PPFIA2: variants seen among roughly 807,000 people sequenced by gnomAD.
The protein encoded by PPFIA2 is PPFI scaffold protein A2, also known as liprin-alpha-2.
Under a neutral mutation model 175.5 loss-of-function variants are expected in PPFIA2, and 46 were observed. The ratio of observed to expected loss-of-function variants is 0.26; its 90% CI spans 0.21 to 0.34. The LOEUF is 0.34. PPFIA2 is among the 10% of genes least tolerant of loss of function. PPFIA2 has a pLI of 1.00. For missense variants in PPFIA2, 1,179 were observed against 1,506.1 expected, an observed-to-expected ratio of 0.78 and a Z score of 3.60; for synonymous variants, 568 against 511.4, an observed-to-expected ratio of 1.11 and a Z score of -1.49.
At chr12:81,263,663 A>G (rs1035191155) in intron 30 of PPFIA2, among the ~76,000 whole-genome samples, 32 of 152,342 alleles carry the variant, frequency 2.1e-4, no homozygotes, top group African/African-American at 7.7e-4. Context: ...GCCTAAAATA[A>G]GCAACCAATG....
intron 3 of PPFIA2, among the ~76,000 whole-genome samples, chr12:81,684,166 A>G (rs2074098869): frequency 1.3e-5 from 2 of 152,100 alleles, no homozygotes; most frequent in Non-Finnish European, 2.9e-5. Context: ...TTCAGGTCTT[A>G]GCATACCAAA....
intron 8 of PPFIA2, among the ~76,000 whole-genome samples, chr12:81,389,139 A>G (rs1025551101): frequency 2.0e-5 from 3 of 148,274 alleles, no homozygotes; most frequent in Admixed American, 6.8e-5. Flanking sequence ...ATATATATAT[A>G]TATATACACA....
At chr12:81,538,264 T>A (rs2065691488) in intron 4 of PPFIA2, among the ~76,000 whole-genome samples, 1 of 151,926 alleles carries the variant, frequency 6.6e-6, no homozygotes, top group African/African-American at 2.4e-5. Flanking sequence ...AGAACAAATG[T>A]TGATATTATC....
At chr12:81,712,312 T>G (rs1278040707) in intron 3 of PPFIA2, among the ~76,000 whole-genome samples, 1 of 151,418 alleles carries the variant, frequency 6.6e-6, no homozygotes, top group African/African-American at 2.4e-5. Flanking sequence ...TTTATATAAA[T>G]ATGCCATTAT....
At chr12:81,424,750 T>C (rs2046851892) in intron 7 of PPFIA2, 1 of 152,200 alleles carries the variant, frequency 6.6e-6, no homozygotes, top group Non-Finnish European at 1.5e-5. Flanking sequence ...AAAAGTTTTC[T>C]TTATATGTTT....
At chr12:81,670,714 A>G (rs1055151695) in intron 4 of PPFIA2, among the ~76,000 whole-genome samples, 1 of 151,878 alleles carries the variant, frequency 6.6e-6, no homozygotes, top group Admixed American at 6.6e-5. Context: ...CTCTACTACA[A>G]TTACTCTCAC....
At chr12:81,548,595 G>A (rs2067362754) in intron 4 of PPFIA2, among the ~76,000 whole-genome samples, 1 of 152,054 alleles carries the variant, frequency 6.6e-6, no homozygotes, top group Non-Finnish European at 1.5e-5. Context: ...AGTCTCTCAA[G>A]TAGGTGGAAC....
chr12:81,611,085 T>C (rs1026751205), intron 4 of PPFIA2, among the ~76,000 whole-genome samples: 9 of 152,114 alleles, frequency 5.9e-5, no homozygotes, highest in African/African-American at 1.9e-4. Flanking sequence ...CTGACTCTTC[T>C]ACTTCCTAGC....
intron 3 of PPFIA2, among the ~76,000 whole-genome samples, chr12:81,746,237 G>C (rs2083052018): frequency 6.9e-6 from 1 of 144,328 alleles, no homozygotes. Context: ...GAACACTTAA[G>C]AAGTAACTAC....
chr12:81,275,752 T>G (rs2136643664), intron 28 of PPFIA2, among the ~76,000 whole-genome samples: 1 of 151,974 alleles, frequency 6.6e-6, no homozygotes, highest in South Asian at 2.1e-4. Flanking sequence ...TTAAAAGCTT[T>G]GGTTATATTT....
At chr12:81,444,688 T>C (rs1040160857) in intron 6 of PPFIA2, among the ~76,000 whole-genome samples, 1 of 152,044 alleles carries the variant, frequency 6.6e-6, no homozygotes, top group African/African-American at 2.4e-5. Context: ...TAAATGTATA[T>C]AAATATTAAA....
chr12:81,285,637 T>A (rs2043141453), intron 24 of PPFIA2, among the ~76,000 whole-genome samples: 1 of 152,090 alleles, frequency 6.6e-6, no homozygotes, highest in African/African-American at 2.4e-5. Flanking sequence ...ATCAGAGCCA[T>A]TATACCATCG....
intron 4 of PPFIA2, among the ~76,000 whole-genome samples, chr12:81,659,081 G>A (rs1048038936): frequency 6.6e-6 from 1 of 152,052 alleles, no homozygotes; most frequent in Non-Finnish European, 1.5e-5. Flanking sequence ...GTACAACGGA[G>A]GGCGGTTCCA....
chr12:81,754,066 G>C lies in PPFIA2; in HGVS notation c.156C>G (p.Thr52=). The change falls in exon 3 of 33, where the codon ACC becomes ACG. Residue 52 remains threonine, a synonymous_variant. Coordinates refer to ENST00000549396, the MANE Select transcript of PPFIA2 (RefSeq NM_003625.5). ...GCTGGGCAAGTGAGAGGCTTTCCTGGGTCTCCCGAAGGGTGTCTAGAAGAC... is the reference window on the plus strand; with the variant it reads ...GCTGGGCAAGTGAGAGGCTTTCCTGCGTCTCCCGAAGGGTGTCTAGAAGAC... ...RDRLLDTLRE[T]QESLSLAQQR... 6.2e-7 allele frequency: 1 copy of C among 1,613,766 alleles called. No individual in the cohort carries two copies. The highest frequency in any genetic ancestry group is 1.1e-5 in the South Asian group (1 of 91,026).
intron 22 of PPFIA2, among the ~76,000 whole-genome samples, chr12:81,311,732 C>CAAAA (rs1050904857): frequency 6.9e-4 from 33 of 47,562 alleles, no homozygotes; most frequent in Non-Finnish European, 9.1e-4. Flanking sequence ...GACTCTGTCT[C>CAAAA]AAAAAAAAAA....
chr12:81,384,675 T>A (rs1403787219), intron 8 of PPFIA2, among the ~76,000 whole-genome samples: 1 of 152,100 alleles, frequency 6.6e-6, no homozygotes, highest in East Asian at 1.9e-4. Context: ...TTCTTCAAGA[T>A]CCCTTGTAAA....
chr12:81,584,602 T>C (rs1421355059), intron 4 of PPFIA2, among the ~76,000 whole-genome samples: 1 of 151,044 alleles, frequency 6.6e-6, no homozygotes, highest in Non-Finnish European at 1.5e-5. Flanking sequence ...TAAATCTAGA[T>C]GGCGAGCCTA....
At chr12:81,484,873 G>A (rs913402325) in intron 4 of PPFIA2, among the ~76,000 whole-genome samples, 3 of 151,686 alleles carry the variant, frequency 2.0e-5, no homozygotes, top group Non-Finnish European at 4.4e-5. Flanking sequence ...GTATCAAAAT[G>A]TTTTAAAATG....
chr12:81,561,239 C>T (rs1473739292), intron 4 of PPFIA2, among the ~76,000 whole-genome samples: 2 of 152,106 alleles, frequency 1.3e-5, no homozygotes, highest in Non-Finnish European at 2.9e-5. Flanking sequence ...TATGCTGTCT[C>T]CTATGTTCCA....
Sources: gnomAD v4.1 joint callset for allele counts (sites outside exome capture counted in the v4.1 genomes callset) on GRCh38, gnomAD v4.1.1 for gene constraint, MANE v1.5 for transcripts, NCBI Gene and HGNC (gene_info 2026-07-23, HGNC 2026-07-21) for gene names.